Variants in NFIC observed in about 807,000 individuals in gnomAD.
NFIC encodes the protein nuclear factor I C.
Under a neutral mutation model 54.4 loss-of-function variants are expected in NFIC, and 12 were observed. That is an observed-to-expected ratio of 0.22 (90% CI 0.14 to 0.36). NFIC has a LOEUF of 0.36. Among genes scored for constraint, NFIC ranks in the 10% least tolerant of loss-of-function variants. The pLI is 1.00. For missense variants in NFIC, 575 were observed against 718.2 expected (o/e 0.80, Z 2.28); for synonymous variants, 322 against 319.2 (o/e 1.01, Z -0.09).
upstream of NFIC, among the ~76,000 whole-genome samples, chr19:3,365,778 C>A (rs1009725272): frequency 1.3e-5 from 2 of 152,148 alleles, no homozygotes; most frequent in African/African-American, 2.4e-5. Context: ...GGCGAGGCCA[C>A]CCCTCCCCTG....
At chr19:3,406,973 G>A (rs541113093) in intron 2 of NFIC, among the ~76,000 whole-genome samples, 3 of 150,700 alleles carry the variant, frequency 2.0e-5, no homozygotes, top group Non-Finnish European at 4.4e-5. Flanking sequence ...CAGGAGGCCT[G>A]TGTGGCTGGA....
Position 3,467,077 on chromosome 19 carries a change from G to A in NFIC, c.*4308G>A, listed in dbSNP as rs1278610849. 6.6e-6 allele frequency: 1 copy of A among 151,710 alleles called. No individual in the cohort carries two copies. The highest frequency in any genetic ancestry group is 1.5e-5 in the Non-Finnish European group (1 of 68,048). The allele number at this position is 151,710 out of a possible 1,614,324, so 9.4% of individuals were successfully genotyped here. ...CAAAAGGGGGTGCCGTCATCCCTGG[G>A]TGGAGGAGGGAGTGTTGGTTTTTTG... On this transcript the variant is annotated 3_prime_UTR_variant, in exon 11 of 11. Coordinates refer to ENST00000443272, the MANE Select transcript of NFIC (RefSeq NM_001245002.2).
intron 2 of NFIC, among the ~76,000 whole-genome samples, chr19:3,400,459 A>C (rs559017120): frequency 1.3e-5 from 2 of 152,280 alleles, no homozygotes; most frequent in South Asian, 4.1e-4. Context: ...CCTGGGTGAC[A>C]GAGTGAGACT....
In NFIC at chr19:3,373,625, C is replaced by G. The variant is rs539021306; in HGVS notation, c.30+6959C>G. ...GCAAGAGACCTTCCTGGACCCCCCC[C>G]CCAAGCTAAAAAACACCCCCCACCC... On this transcript the variant is annotated intron_variant, in intron 1 of 10. Transcript: ENST00000443272. Among the ~76,000 whole-genome samples the G allele has an allele frequency of 2.2e-3, 275 of 124,572 alleles. 4 individuals carry two copies. Among genetic ancestry groups the G allele is most frequent in the Middle Eastern group, 8.4e-3 (2 of 238 alleles). The allele number at this position is 124,572 out of a possible 152,430, so 81.7% of individuals were successfully genotyped here.
At chr19:3,382,302 A>G in intron 2 of NFIC, 59 bp downstream of exon 2, 1 of 1,565,026 alleles carries the variant, frequency 6.4e-7, no homozygotes, top group Admixed American at 1.7e-5. Context: ...TGGTGGTGAC[A>G]CGGGGCCAGG....
Position 3,426,225 on chromosome 19 carries a change from G to A in NFIC, c.634+1048G>A, listed in dbSNP as rs1599666237. On this transcript the variant is annotated intron_variant, in intron 3 of 10. Transcript: ENST00000443272. The stretch of plus-strand genomic sequence containing the variant: ...TGGGATTACAGGCATGAGCCACCGC[G>A]CCTGGCTTTTTTTTTTAATTTTTTA... 4.0e-5 allele frequency among the ~76,000 whole-genome samples: 6 copies of A among 151,782 alleles called. 1 individual carries two copies. Among genetic ancestry groups the A allele is most frequent in the Middle Eastern group, 3.4e-3 (1 of 294 alleles).
At chr19:3,361,167 G>T (rs2080805964) in intron 1 of NFIC, among the ~76,000 whole-genome samples, 1 of 152,186 alleles carries the variant, frequency 6.6e-6, no homozygotes, top group Non-Finnish European at 1.5e-5. Context: ...GCGAGGTGGC[G>T]CCGGGACGCG....
At chr19:3,362,374 G>A (rs1024812013), upstream of NFIC, among the ~76,000 whole-genome samples, 1 of 151,926 alleles carries the variant, frequency 6.6e-6, no homozygotes, top group Non-Finnish European at 1.5e-5. Context: ...GGAGTTGGGA[G>A]GGTGTGTTTG....
intron 3 of NFIC, among the ~76,000 whole-genome samples, chr19:3,432,026 TCTC>T (rs1599677191): frequency 6.6e-6 from 1 of 152,194 alleles, no homozygotes; most frequent in South Asian, 2.1e-4. Context: ...GCCTGTATCA[TCTC>T]CTGCTGTGCC....
At chr19:3,432,623 G>T (rs950071948) in intron 3 of NFIC, among the ~76,000 whole-genome samples, 1 of 151,912 alleles carries the variant, frequency 6.6e-6, no homozygotes, top group Non-Finnish European at 1.5e-5. Flanking sequence ...ATCACACACC[G>T]AGGCAGGTGA....
intron 2 of NFIC, among the ~76,000 whole-genome samples, chr19:3,385,390 G>A (rs2081279043): frequency 6.6e-6 from 1 of 152,044 alleles, no homozygotes; most frequent in South Asian, 2.1e-4. Flanking sequence ...TGCCTTGTGG[G>A]AAATGTCAAG....
rs934208182 is a variant in NFIC, at chr19:3,469,029, G to A, written c.*6260G>A. ...CGCAGTCATTTTGGTTTTCGCGGAC[G>A]CGCCTACCTAAGTACCATTTACAGA... is the stretch of plus-strand genomic sequence containing the variant. On this transcript the variant is annotated 3_prime_UTR_variant, in exon 11 of 11. Transcript: ENST00000443272. The A allele has an allele frequency of 4.7e-5, 7 of 149,630 alleles. No individual in the cohort carries two copies. Among genetic ancestry groups the A allele is most frequent in the Middle Eastern group, 3.2e-3 (1 of 316 alleles). The allele number at this position is 149,630 out of a possible 1,614,324, so 9.3% of individuals were successfully genotyped here. A position where few individuals can be genotyped will look rare whatever the true frequency, so the allele number is the denominator to read the frequency against.
chr19:3,468,574 G>A lies in NFIC; in HGVS notation c.*5805G>A, dbSNP rs1018947677. 1.3e-5 allele frequency: 2 copies of A among 152,102 alleles called. No individual in the cohort carries two copies. The highest frequency in any genetic ancestry group is 2.9e-5 in the Non-Finnish European group (2 of 68,032). The allele number at this position is 152,102 out of a possible 1,614,324, so 9.4% of individuals were successfully genotyped here. A position where few individuals can be genotyped will look rare whatever the true frequency, so the allele number is the denominator to read the frequency against. On this transcript the variant is annotated 3_prime_UTR_variant, in exon 11 of 11. Coordinates refer to ENST00000443272, the MANE Select transcript of NFIC (RefSeq NM_001245002.2). Reference sequence around the variant, plus strand: ...GACAGGATGGGGCAGGGCATACAGTGGGGGGTGGGGGGGCAGCTGGGAGGA... The same window carrying A: ...GACAGGATGGGGCAGGGCATACAGTAGGGGGTGGGGGGGCAGCTGGGAGGA...
At chr19:3,454,190 T>A (rs933419249) in intron 9 of NFIC, 9 of 1,246,032 alleles carry the variant, frequency 7.2e-6, no homozygotes, top group Non-Finnish European at 9.0e-6. Context: ...GTGCCCGCCG[T>A]GGGCCGTCAG....
At chr19:3,442,412 A>C (rs1599700263) in intron 6 of NFIC, among the ~76,000 whole-genome samples, 7 of 125,982 alleles carry the variant, frequency 5.6e-5, no homozygotes, top group Non-Finnish European at 6.4e-5. Context: ...TCAGAATCTC[A>C]CTCTGTTGCC....
chr19:3,389,772 C>T (rs540135278), intron 2 of NFIC, among the ~76,000 whole-genome samples: 4 of 152,188 alleles, frequency 2.6e-5, no homozygotes, highest in African/African-American at 9.6e-5. Flanking sequence ...CACCTGAGGT[C>T]GGGAGTTCGA....
rs2082725738 is a variant in NFIC at position 3,467,097 on chromosome 19, T to TG, written c.*4328_*4329insG. 1 of 143,778 alleles carries TG rather than the reference T, an allele frequency of 7.0e-6. No individual in the cohort carries two copies. The highest frequency in any genetic ancestry group is 2.9e-5 in the African/African-American group (1 of 34,026). The allele number at this position is 143,778 out of a possible 1,614,324, so 8.9% of individuals were successfully genotyped here. A position where few individuals can be genotyped will look rare whatever the true frequency, so the allele number is the denominator to read the frequency against. ...CCTGGGTGGAGGAGGGAGTGTTGGT[T>TG]TTTTGTTTTTGTTTTTTTAACATGT... On this transcript the variant is annotated 3_prime_UTR_variant, in exon 11 of 11. Coordinates refer to ENST00000443272, the MANE Select transcript of NFIC (RefSeq NM_001245002.2).
intron 2 of NFIC, among the ~76,000 whole-genome samples, chr19:3,387,047 C>T (rs1000132424): frequency 6.6e-6 from 1 of 152,160 alleles, no homozygotes; most frequent in African/African-American, 2.4e-5. Context: ...GTCTGGCTTT[C>T]ATCAGCCCTG....
intron 1 of NFIC, among the ~76,000 whole-genome samples, chr19:3,372,832 C>T (rs2081045914): frequency 6.6e-6 from 1 of 151,506 alleles, no homozygotes; most frequent in South Asian, 2.1e-4. Context: ...AATGATAGTC[C>T]CCACTTTCAT....
Sources: gnomAD v4.1 joint callset for allele counts (sites outside exome capture counted in the v4.1 genomes callset) on GRCh38, gnomAD v4.1.1 for gene constraint, MANE v1.5 for transcripts, NCBI Gene and HGNC (gene_info 2026-07-23, HGNC 2026-07-21) for gene names.